PMPCB: variants seen among roughly 807,000 people sequenced by gnomAD.
PMPCB encodes mitochondrial-processing peptidase subunit beta.
A neutral mutation model predicts 61.5 loss-of-function variants in PMPCB; 46 were observed. The ratio of observed to expected loss-of-function variants is 0.75; its 90% CI spans 0.59 to 0.96. The LOEUF is 0.96. PMPCB is among the 40% of genes least tolerant of loss of function. The pLI is 0.00. For missense variants in PMPCB, 590 were observed against 602.4 expected, an observed-to-expected ratio of 0.98 and a Z score of 0.22; for synonymous variants, 191 against 201.6, an observed-to-expected ratio of 0.95 and a Z score of 0.44.
chr7:103,321,910 G>C, intron 12 of PMPCB: 2 of 1,595,148 alleles, frequency 1.3e-6, no homozygotes, highest in Non-Finnish European at 1.7e-6. Context: ...CTTGTGCCTA[G>C]TGTTTGTTCA....
downstream of PMPCB, chr7:103,316,121 G>A (rs1202750021): frequency 7.3e-7 from 1 of 1,376,084 alleles, no homozygotes; most frequent in Non-Finnish European, 9.9e-7. Context: ...AATATGAATA[G>A]TAGTAAGGAA....
rs1817903306 is a variant in PMPCB at position 103,313,985 on chromosome 7, T to C, written c.*1714T>C. 6 of 985,282 alleles carry C rather than the reference T, an allele frequency of 6.1e-6. No individual in the cohort carries two copies. The highest frequency in any genetic ancestry group is 7.2e-6 in the Non-Finnish European group (6 of 829,940). The allele number at this position is 985,282 out of a possible 1,614,324, so 61.0% of individuals were successfully genotyped here. A position where few individuals can be genotyped will look rare whatever the true frequency, so the allele number is the denominator to read the frequency against. ...GCGGCCTGTGAGATCTGTTAAAAGT[T>C]AAGCCTAGAAACCAAAGTTCCTTCC... On this transcript the variant is annotated 3_prime_UTR_variant, in exon 13 of 13. Coordinates refer to ENST00000249269, the MANE Select transcript of PMPCB (RefSeq NM_004279.3).
At chr7:103,319,900 A>G (rs1452658294) in intron 12 of PMPCB, 2 of 1,578,122 alleles carry the variant, frequency 1.3e-6, no homozygotes, top group African/African-American at 1.4e-5. Context: ...CCATCAACAT[A>G]ATTACAAAGC....
chr7:103,327,449 G>C, intron 12 of PMPCB: 2 of 761,996 alleles, frequency 2.6e-6, no homozygotes, highest in Non-Finnish European at 4.2e-6. Flanking sequence ...TAAGCTGCCA[G>C]GTGTTGCTGA....
downstream of PMPCB, chr7:103,316,885 C>T (rs373665995): frequency 1.2e-6 from 2 of 1,613,994 alleles, no homozygotes; most frequent in Admixed American, 3.3e-5. Flanking sequence ...AATTGTAGAT[C>T]ATCTTCTGAC....
At chr7:103,328,893 G>T (rs920516683) in intron 12 of PMPCB, 3 of 620,080 alleles carry the variant, frequency 4.8e-6, no homozygotes, top group South Asian at 1.8e-5. Context: ...AATTTTAAAT[G>T]TAAGTGTTTT....
intron 4 of PMPCB, among the ~76,000 whole-genome samples, chr7:103,301,126 T>A (rs1586039571): frequency 6.6e-6 from 1 of 152,250 alleles, no homozygotes; most frequent in Non-Finnish European, 1.5e-5. Flanking sequence ...CCATTTGATG[T>A]GCATAGGTGT....
downstream of PMPCB, among the ~76,000 whole-genome samples, chr7:103,331,495 T>C (rs1563469814): frequency 6.6e-6 from 1 of 152,202 alleles, no homozygotes; most frequent in Non-Finnish European, 1.5e-5. Flanking sequence ...GACCAACCTC[T>C]CTTTATCCCT....
the PMPCB span, chr7:103,341,761 T>A: frequency 6.5e-7 from 1 of 1,549,940 alleles, no homozygotes; most frequent in South Asian, 1.2e-5. Context: ...AGATATTAAA[T>A]ACCTTCCAGT....
At chr7:103,342,658 G>C in the PMPCB span, among the ~76,000 whole-genome samples, 1 of 150,174 alleles carries the variant, frequency 6.7e-6, no homozygotes, top group Non-Finnish European at 1.5e-5. Flanking sequence ...ACCCAGGCTG[G>C]AGTGCAATGG....
rs760746927 is a variant in PMPCB at position 103,297,491 on chromosome 7, C to A, written c.32C>A (p.Ser11Ter). Residue 11 changes from serine (S) to a stop codon, truncating the protein, a stop_gained, in exon 1 of 13, where the codon TCA becomes TAA. Transcript: ENST00000249269. LOFTEE classifies it high-confidence loss of function. ...GCTGCGGCGGCTCGAGTGGTGTTGT[C>A]ATCCGCGGCGCGGCGGCGGCTCTGG... MAAAAARVVL[S>*]SAARRRLWGF... is the part of the protein sequence containing the mutation. 8 of 1,570,982 alleles carry A rather than the reference C, an allele frequency of 5.1e-6. No homozygotes were observed. The Admixed American group carries it at 5.4e-5, about 11-fold the overall frequency.
At chr7:103,345,304 CT>C in the PMPCB span, among the ~76,000 whole-genome samples, 15 of 152,106 alleles carry the variant, frequency 9.9e-5, no homozygotes, top group African/African-American at 3.6e-4. Context: ...ATATTTTTAC[CT>C]TGTTCTAATG....
At chr7:103,307,953 A>G (rs1183846573) in intron 7 of PMPCB, among the ~76,000 whole-genome samples, 2 of 152,240 alleles carry the variant, frequency 1.3e-5, no homozygotes, top group African/African-American at 2.4e-5. Context: ...TCTGAAAGGA[A>G]GCAAAGTTTT....
At chr7:103,337,512 C>G in the PMPCB span, 1 of 464,158 alleles carries the variant, frequency 2.2e-6, no homozygotes, top group Non-Finnish European at 3.8e-6. Context: ...CACACCCATC[C>G]TAATTTCTTA....
intron 12 of PMPCB, chr7:103,327,210 T>C (rs1353035013): frequency 3.4e-5 from 15 of 442,766 alleles, no homozygotes; most frequent in Non-Finnish European, 3.9e-5. Flanking sequence ...TACTAGGATA[T>C]AATCAACTTC....
At chr7:103,328,946 G>GTGAA in exon 13 of PMPCB, 2 of 1,203,990 alleles carry the variant, frequency 1.7e-6, no homozygotes, top group Non-Finnish European at 2.2e-6. Context: ...AATCACAGAA[G>GTGAA]TGAACTTCAT....
downstream of PMPCB, among the ~76,000 whole-genome samples, chr7:103,332,510 T>G (rs1176747765): frequency 1.3e-5 from 2 of 152,216 alleles, no homozygotes; most frequent in African/African-American, 4.8e-5. Context: ...AAGTTTATAT[T>G]CAGCATTAGA....
Position 103,304,414 on chromosome 7 carries a change from T to C in PMPCB, c.660T>C (p.Ser220=). Residue 220 remains serine (S), a synonymous_variant, in exon 6 of 13, where the codon TCT becomes TCC. Coordinates refer to ENST00000249269, the MANE Select transcript of PMPCB (RefSeq NM_004279.3). Reference sequence around the variant, plus strand: ...AATTGTTTTACTTCATTTACAGATCTATAAGTCGTAAGGACTTAGTGGATT... The same window carrying C: ...AATTGTTTTACTTCATTTACAGATCCATAAGTCGTAAGGACTTAGTGGATT... ...TILGPTENIK[S]ISRKDLVDYI... 1 of 1,557,284 alleles carries C rather than the reference T, an allele frequency of 6.4e-7. No homozygotes were observed. The highest frequency in any genetic ancestry group is 1.4e-5 in the African/African-American group (1 of 73,854).
chr7:103,325,259 T>C (rs1818641541), intron 12 of PMPCB, among the ~76,000 whole-genome samples: 1 of 151,898 alleles, frequency 6.6e-6, no homozygotes, highest in Non-Finnish European at 1.5e-5. Flanking sequence ...GTCTGGCCAA[T>C]ATGGTGAAAC....
Sources: gnomAD v4.1 joint callset for allele counts (sites outside exome capture counted in the v4.1 genomes callset) on GRCh38, gnomAD v4.1.1 for gene constraint, MANE v1.5 for transcripts, NCBI Gene and HGNC (gene_info 2026-07-23, HGNC 2026-07-21) for gene names.